The following COL25A1 variants were observed in gnomAD, a reference collection of about 807,000 sequenced individuals.
COL25A1 encodes collagen alpha-1(XXV) chain.
COL25A1 carries 103 observed loss-of-function variants against 128.4 expected under a neutral mutation model. The observed-to-expected ratio is 0.80, with a 90% CI of 0.68 to 0.94. The LOEUF (loss-of-function observed/expected upper bound fraction) is 0.94. Ranked by LOEUF, COL25A1 falls within the 40% of genes least tolerant of loss-of-function variation. The pLI, the probability that COL25A1 is intolerant of heterozygous loss-of-function variation, is 0.00. For missense variants in COL25A1, 745 were observed against 840.0 expected (o/e 0.89, Z 1.40); for synonymous variants, 279 against 277.2 (o/e 1.01, Z -0.06).
chr4:109,062,505 C>T (rs1762067594), intron 3 of COL25A1, among the ~76,000 whole-genome samples: 1 of 152,012 alleles, frequency 6.6e-6, no homozygotes, highest in Non-Finnish European at 1.5e-5. Context: ...CTATTTTATG[C>T]TCCTTAGTAA....
chr4:109,214,290 C>T (rs1050772309), intron 3 of COL25A1, among the ~76,000 whole-genome samples: 2 of 152,006 alleles, frequency 1.3e-5, no homozygotes, highest in Admixed American at 6.6e-5. Context: ...CATACAATAG[C>T]ATTAAAATGA....
intron 3 of COL25A1, among the ~76,000 whole-genome samples, chr4:109,063,048 TGA>T (rs1442953480): frequency 6.6e-6 from 1 of 152,138 alleles, no homozygotes; most frequent in Non-Finnish European, 1.5e-5. Context: ...CATGAATTTG[TGA>T]GAGATGCAAG....
At chr4:108,943,824 CAA>C (rs200181154) in intron 8 of COL25A1, among the ~76,000 whole-genome samples, 1 of 137,272 alleles carries the variant, frequency 7.3e-6, no homozygotes. Flanking sequence ...TCCTTTTTTT[CAA>C]AAAAAAAAAA....
At chr4:109,239,068 A>G (rs989626667) in intron 3 of COL25A1, among the ~76,000 whole-genome samples, 3 of 151,984 alleles carry the variant, frequency 2.0e-5, no homozygotes, top group African/African-American at 7.2e-5. Context: ...ACAGGTTTCT[A>G]CTGATGGAAA....
intron 3 of COL25A1, among the ~76,000 whole-genome samples, chr4:109,171,063 A>G (rs1773540373): frequency 2.6e-5 from 4 of 152,136 alleles, no homozygotes; most frequent in African/African-American, 9.7e-5. Flanking sequence ...GAATGAATGA[A>G]TGTGAACCCT....
chr4:109,005,998 T>G (rs890755292), intron 6 of COL25A1, among the ~76,000 whole-genome samples: 5 of 151,652 alleles, frequency 3.3e-5, no homozygotes, highest in African/African-American at 7.3e-5. Context: ...GGTTGACATT[T>G]TAAGAAAAAA....
chr4:108,952,831 C>CTTTTTT (rs59761040), intron 8 of COL25A1, among the ~76,000 whole-genome samples: 33 of 66,986 alleles, frequency 4.9e-4, no homozygotes, highest in Non-Finnish European at 5.7e-4. Flanking sequence ...AAAAACTCAA[C>CTTTTTT]TTTTTTTTTT....
intron 31 of COL25A1, among the ~76,000 whole-genome samples, chr4:108,835,164 T>G (rs941150501): frequency 1.3e-5 from 2 of 152,222 alleles, no homozygotes; most frequent in African/African-American, 2.4e-5. Flanking sequence ...TTTCTTCACT[T>G]TGAACTCTAG....
chr4:109,233,282 T>G (rs1321913532), intron 3 of COL25A1, among the ~76,000 whole-genome samples: 1 of 152,176 alleles, frequency 6.6e-6, no homozygotes, highest in African/African-American at 2.4e-5. Flanking sequence ...TTACTTATTT[T>G]ATTTTGAGGC....
intron 11 of COL25A1, among the ~76,000 whole-genome samples, chr4:108,921,872 C>A (rs1414216475): frequency 6.6e-6 from 1 of 152,134 alleles, no homozygotes; most frequent in African/African-American, 2.4e-5. Context: ...ATTCTCCCTA[C>A]TTATCTCACT....
At position 109,302,216 on chromosome 4, in the gene COL25A1, TTTC is replaced by T; in HGVS notation, c.-107_-105del. ...ACCCGCAGGCGTGCACCATCCCCGC[TTTC>T]TTCTCTCCTCCCAGCTGGAAGTGAA... is the stretch of plus-strand genomic sequence containing the variant. On this transcript the variant is annotated 5_prime_UTR_variant, in exon 1 of 38. Transcript: ENST00000399132. 1 of 628,318 alleles carries T rather than the reference TTTC, an allele frequency of 1.6e-6. No homozygotes were observed. The highest frequency in any genetic ancestry group is 2.6e-6 in the Non-Finnish European group (1 of 388,916). The allele number at this position is 628,318 out of a possible 1,614,324, so 38.9% of individuals were successfully genotyped here.
chr4:109,216,637 C>T (rs1578466135), intron 3 of COL25A1, among the ~76,000 whole-genome samples: 3 of 151,998 alleles, frequency 2.0e-5, no homozygotes, highest in Admixed American at 1.3e-4. Flanking sequence ...AAGAAATGCC[C>T]GGTACTATCA....
chr4:109,090,666 T>G (rs951974323), intron 3 of COL25A1, among the ~76,000 whole-genome samples: 2 of 152,160 alleles, frequency 1.3e-5, no homozygotes, highest in African/African-American at 4.8e-5. Context: ...ACTACTTAGT[T>G]TCACCCACTT....
intron 13 of COL25A1, among the ~76,000 whole-genome samples, chr4:108,907,671 A>G (rs1451493276): frequency 3.3e-5 from 5 of 152,218 alleles, no homozygotes; most frequent in Admixed American, 2.0e-4. Context: ...AAAGAGGTAG[A>G]TGTGAGATTA....
chr4:108,816,958 C>T (rs1445258566), intron 37 of COL25A1, among the ~76,000 whole-genome samples: 1 of 152,096 alleles, frequency 6.6e-6, no homozygotes, highest in Non-Finnish European at 1.5e-5. Flanking sequence ...TAAGTCAAGA[C>T]ATCATTAAAC....
chr4:109,042,009 C>CA (rs983133565), intron 5 of COL25A1, among the ~76,000 whole-genome samples: 1 of 151,980 alleles, frequency 6.6e-6, no homozygotes, highest in Non-Finnish European at 1.5e-5. Context: ...AATAATGTTG[C>CA]AAAAAAATTG....
chr4:108,930,935 T>C lies in COL25A1; in HGVS notation c.708+6873A>G, dbSNP rs1283162108. ...TAAAGCACAAACAGATTTAACTCTG[T>C]TTTTAAAAATTTCTTCTTTATCTAA... On this transcript the variant is annotated intron_variant, in intron 11 of 37. Transcript: ENST00000399132. 3.9e-5 allele frequency among the ~76,000 whole-genome samples: 6 copies of C among 152,204 alleles called. No individual in the cohort carries two copies. In the South Asian group the frequency reaches 1.2e-3, roughly 32 times the overall value.
chr4:108,955,929 AT>A (rs1750021701), intron 8 of COL25A1, among the ~76,000 whole-genome samples: 1 of 152,188 alleles, frequency 6.6e-6, no homozygotes, highest in South Asian at 2.1e-4. Flanking sequence ...AACTTTGCAA[AT>A]ATAAATGTGT....
Position 109,178,579 on chromosome 4 carries a change from C to A in COL25A1, c.367+122004G>T, listed in dbSNP as rs575605720. ...GTGGCTCACGCCTGTAATCCCAGCACTTTCGGAGGCCGAGGCGGGCAGATC... is the reference window on the plus strand; with the variant it reads ...GTGGCTCACGCCTGTAATCCCAGCAATTTCGGAGGCCGAGGCGGGCAGATC... On this transcript the variant is annotated intron_variant, in intron 3 of 37. Transcript: ENST00000399132. 2.0e-5 allele frequency among the ~76,000 whole-genome samples: 3 copies of A among 152,246 alleles called. No individual in the cohort carries two copies. The South Asian group carries it at 6.2e-4, about 32-fold the overall frequency.
Sources: allele counts gnomAD v4.1 joint callset (sites outside exome capture counted in the v4.1 genomes callset), GRCh38; gene constraint gnomAD v4.1.1; transcripts MANE v1.5; gene names NCBI Gene and HGNC (gene_info 2026-07-23, HGNC 2026-07-21).